The following ACTR3C variants were observed in gnomAD, a reference collection of about 807,000 sequenced individuals.
ACTR3C encodes the protein actin related protein 3C.
In ACTR3C, 18 loss-of-function variants were observed where a neutral mutation model predicts 26.3. That is an observed-to-expected ratio of 0.68 (90% CI 0.47 to 1.01). The LOEUF is 1.01. Among genes scored for constraint, ACTR3C ranks in the 50% least tolerant of loss-of-function variants. The pLI is 0.00. For missense variants in ACTR3C, 184 were observed against 250.7 expected (o/e 0.73, Z 1.80); for synonymous variants, 55 against 94.5 (o/e 0.58, Z 2.42).
At chr7:150,030,353 A>T in the ACTR3C span, among the ~76,000 whole-genome samples, 1 of 150,388 alleles carries the variant, frequency 6.6e-6, no homozygotes, top group Non-Finnish European at 1.5e-5. Context: ...CTCAACAGCC[A>T]TATGGGGCAA....
At chr7:150,199,118 A>T in the ACTR3C span, among the ~76,000 whole-genome samples, 1 of 150,324 alleles carries the variant, frequency 6.7e-6, no homozygotes, top group Non-Finnish European at 1.5e-5. Context: ...CCAACAGCTC[A>T]TTGAGAACGG....
the ACTR3C span, among the ~76,000 whole-genome samples, chr7:149,909,007 C>G: frequency 6.6e-6 from 1 of 151,686 alleles, no homozygotes; most frequent in Non-Finnish European, 1.5e-5. Context: ...GTCTCGAACT[C>G]CTGACCTCAG....
the ACTR3C span, among the ~76,000 whole-genome samples, chr7:150,166,513 A>G: frequency 6.6e-6 from 1 of 150,856 alleles, no homozygotes; most frequent in Non-Finnish European, 1.5e-5. Context: ...AGCCTGGCCA[A>G]CATGGCGAAA....
the ACTR3C span, among the ~76,000 whole-genome samples, chr7:149,903,874 T>C: frequency 0.066 from 3,331 of 50,118 alleles, 155 homozygotes; most frequent in African/African-American, 0.13. Flanking sequence ...GCGTTGTTGT[T>C]GTTGTTGTTG....
At chr7:150,201,578 T>C in the ACTR3C span, among the ~76,000 whole-genome samples, 1 of 149,190 alleles carries the variant, frequency 6.7e-6, no homozygotes, top group Non-Finnish European at 1.5e-5. Context: ...TGAAACCTTG[T>C]CTCTAGTAAA....
rs569072888 is a variant in ACTR3C at position 150,286,561 on chromosome 7, G to A, written c.298-21C>T. 468 of 1,604,212 alleles carry A rather than the reference G, an allele frequency of 2.9e-4. 1 individual carries two copies. The highest frequency in any genetic ancestry group is 3.7e-4 in the Non-Finnish European group (436 of 1,176,770). Reference sequence around the variant, plus strand: ...TTCTCCTGCATACACACACAAAGATGTTGCCAGGCATTAACAACTGCCCAG... The same window carrying A: ...TTCTCCTGCATACACACACAAAGATATTGCCAGGCATTAACAACTGCCCAG... On this transcript the variant is annotated intron_variant, in intron 4 of 7. Coordinates refer to ENST00000683684, the MANE Select transcript of ACTR3C (RefSeq NM_001164458.2).
intron 6 of ACTR3C, among the ~76,000 whole-genome samples, chr7:150,280,851 T>G (rs1169422214): frequency 2.6e-5 from 4 of 151,896 alleles, no homozygotes. Context: ...CAATTTTTAC[T>G]TGTCAATATA....
At chr7:150,035,328 G>A in the ACTR3C span, among the ~76,000 whole-genome samples, 80 of 61,580 alleles carry the variant, frequency 1.3e-3, 17 homozygotes, top group African/African-American at 3.8e-3. Context: ...AACAGCCAGG[G>A]GCGGAAGAGG....
chr7:150,111,907 C>T, the ACTR3C span, among the ~76,000 whole-genome samples: 8 of 151,968 alleles, frequency 5.3e-5, no homozygotes, highest in Non-Finnish European at 7.4e-5. Flanking sequence ...GCTGGCCCGC[C>T]TCACTTCCAT....
At chr7:149,995,995 A>C in the ACTR3C span, among the ~76,000 whole-genome samples, 8 of 151,998 alleles carry the variant, frequency 5.3e-5, no homozygotes, top group African/African-American at 1.9e-4. Context: ...CATCACCAGC[A>C]GGTCACACCT....
intron 6 of ACTR3C, among the ~76,000 whole-genome samples, chr7:150,265,275 G>A (rs566298075): frequency 5.2e-4 from 79 of 150,858 alleles, no homozygotes; most frequent in Non-Finnish European, 9.4e-4. Context: ...TAACAACCTA[G>A]TTTTTTTAAA....
chr7:149,995,922 G>A, the ACTR3C span, among the ~76,000 whole-genome samples: 1 of 152,248 alleles, frequency 6.6e-6, no homozygotes, highest in African/African-American at 2.4e-5. Flanking sequence ...TAAAGGCCCA[G>A]CAGGCTTTTT....
intron 6 of ACTR3C, among the ~76,000 whole-genome samples, chr7:150,278,009 A>G (rs1422134700): frequency 2.6e-5 from 4 of 152,130 alleles, no homozygotes; most frequent in African/African-American, 7.2e-5. Context: ...CCAGTTGGCA[A>G]TGTTGGCCCC....
At chr7:149,909,729 C>T in the ACTR3C span, 1 of 393,032 alleles carries the variant, frequency 2.5e-6, no homozygotes, top group Non-Finnish European at 4.4e-6. Flanking sequence ...GTCATCAACA[C>T]ATGTTTAGAT....
chr7:150,158,981 G>A, the ACTR3C span, among the ~76,000 whole-genome samples: 5 of 98,350 alleles, frequency 5.1e-5, no homozygotes, highest in South Asian at 4.3e-4. Flanking sequence ...ACACAGGCAC[G>A]CACACACGCA....
At chr7:150,161,510 C>T in the ACTR3C span, among the ~76,000 whole-genome samples, 1 of 151,832 alleles carries the variant, frequency 6.6e-6, no homozygotes, top group African/African-American at 2.4e-5. Flanking sequence ...TGATGGTTTC[C>T]AGCTTTATCC....
At chr7:149,914,613 A>T in the ACTR3C span, among the ~76,000 whole-genome samples, 1 of 151,846 alleles carries the variant, frequency 6.6e-6, no homozygotes, top group Non-Finnish European at 1.5e-5. Flanking sequence ...TAAAAAAAAA[A>T]AAAATCTAGG....
At chr7:150,079,262 C>T in the ACTR3C span, among the ~76,000 whole-genome samples, 1 of 152,084 alleles carries the variant, frequency 6.6e-6, no homozygotes, top group African/African-American at 2.4e-5. Flanking sequence ...AGCACAGCAC[C>T]CCCGAGTACC....
chr7:150,132,334 T>G, the ACTR3C span, among the ~76,000 whole-genome samples: 4 of 152,222 alleles, frequency 2.6e-5, no homozygotes, highest in African/African-American at 9.6e-5. Context: ...ACCAAAATAT[T>G]GTAGCTTTAA....
Sources: gnomAD v4.1 joint callset for allele counts (sites outside exome capture counted in the v4.1 genomes callset) on GRCh38, gnomAD v4.1.1 for gene constraint, MANE v1.5 for transcripts, NCBI Gene and HGNC (gene_info 2026-07-23, HGNC 2026-07-21) for gene names.